C17orf78: variants seen among roughly 807,000 people sequenced by gnomAD.
C17orf78 encodes chromosome 17 open reading frame 78.
Under a neutral mutation model 31.8 loss-of-function variants are expected in C17orf78, and 27 were observed. The ratio of observed to expected loss-of-function variants is 0.85; its 90% confidence interval spans 0.63 to 1.17. The LOEUF (loss-of-function observed/expected upper bound fraction) is 1.17, where lower values mean the gene tolerates loss of function less well. C17orf78 is among the 50% of genes most tolerant of loss of function. The probability of loss-of-function intolerance (pLI) is 0.00; values close to 1 mark genes in which losing one functional copy is unlikely to be tolerated. For missense variants in C17orf78, 258 were observed against 315.2 expected (o/e 0.82, Z 1.37); for synonymous variants, 106 against 115.1 (o/e 0.92, Z 0.51).
chr17:37,391,050 C>T (rs1051223412), intron 6 of C17orf78, among the ~76,000 whole-genome samples: 2 of 151,886 alleles, frequency 1.3e-5, no homozygotes, highest in African/African-American at 2.4e-5. Flanking sequence ...ACCAGCCTGA[C>T]CAACAAGGTG....
chr17:37,388,337 A>G (rs564083587), intron 4 of C17orf78, among the ~76,000 whole-genome samples: 1 of 152,306 alleles, frequency 6.6e-6, no homozygotes, highest in African/African-American at 2.4e-5. Flanking sequence ...AGCTGACAGT[A>G]AAAGAAGTTT....
At chr17:37,383,988 G>A (rs774715232) in intron 3 of C17orf78, among the ~76,000 whole-genome samples, 20 of 152,056 alleles carry the variant, frequency 1.3e-4, no homozygotes, top group Admixed American at 5.9e-4. Flanking sequence ...AATTAGAGCC[G>A]GGCGCGGTGT....
chr17:37,390,334 A>ATATCTAT (rs2050822111), intron 6 of C17orf78, among the ~76,000 whole-genome samples: 1 of 93,424 alleles, frequency 1.1e-5, no homozygotes, highest in Non-Finnish European at 1.9e-5. Context: ...ATATATATAT[A>ATATCTAT]AAAGGCCAGC....
At chr17:37,376,794 A>G (rs1410240614) in intron 1 of C17orf78, among the ~76,000 whole-genome samples, 1 of 152,032 alleles carries the variant, frequency 6.6e-6, no homozygotes. Flanking sequence ...ATCTCTACTA[A>G]AAGTGCAAAA....
chr17:37,381,936 C>T (rs1442824977), intron 3 of C17orf78, among the ~76,000 whole-genome samples: 1 of 152,038 alleles, frequency 6.6e-6, no homozygotes, highest in African/African-American at 2.4e-5. Context: ...CATGTCTCTT[C>T]TATATTCTAC....
At chr17:37,385,767 T>G (rs969122270) in intron 3 of C17orf78, among the ~76,000 whole-genome samples, 1 of 152,190 alleles carries the variant, frequency 6.6e-6, no homozygotes, top group African/African-American at 2.4e-5. Flanking sequence ...GCATGACTCC[T>G]TCACTTTGAT....
intron 3 of C17orf78, among the ~76,000 whole-genome samples, chr17:37,383,104 A>C (rs915799903): frequency 6.6e-6 from 1 of 152,210 alleles, no homozygotes; most frequent in Non-Finnish European, 1.5e-5. Flanking sequence ...AAATTAATTA[A>C]ATCCAATTGT....
At position 37,390,330 on chromosome 17, in the gene C17orf78, A is replaced by ATATATATATATATATCTATC. The variant is rs1386032855; in HGVS notation, c.750+972_750+973insTATATATATATCTATCTATA. ...TATATATATATATATATATATATAT[A>ATATATATATATATATCTATC]TATAAAAGGCCAGCTGGGCCGGGCA... On this transcript the variant is annotated intron_variant, in intron 6 of 6. Coordinates refer to ENST00000615133, the MANE Select transcript of C17orf78 (RefSeq NM_173625.5). 9.6e-5 allele frequency among the ~76,000 whole-genome samples: 4 copies of ATATATATATATATATCTATC among 41,582 alleles called. 1 individual carries two copies. The highest frequency in any genetic ancestry group is 5.1e-4 in the African/African-American group (4 of 7,842). The allele number at this position is 41,582 out of a possible 152,430, so 27.3% of individuals were successfully genotyped here.
chr17:37,386,255 T>C (rs2050523854), intron 4 of C17orf78, 130 bp downstream of exon 4: 3 of 613,918 alleles, frequency 4.9e-6, no homozygotes, highest in East Asian at 5.9e-5. Flanking sequence ...GAGAAGTTAC[T>C]GAATGTACAT....
chr17:37,391,831 A>C lies in C17orf78; in HGVS notation c.*107A>C. Reference sequence around the variant, plus strand: ...CACTTGTATCTTCAGCAGGGACATTACAATCAAACACCAATTCCTGGTTAA... The same window carrying C: ...CACTTGTATCTTCAGCAGGGACATTCCAATCAAACACCAATTCCTGGTTAA... On this transcript the variant is annotated 3_prime_UTR_variant, in exon 7 of 7. Transcript: ENST00000615133. 7 of 984,040 alleles carry C rather than the reference A, an allele frequency of 7.1e-6. No individual in the cohort carries two copies. The East Asian group carries it at 1.7e-4, about 24-fold the overall frequency. The allele number at this position is 984,040 out of a possible 1,614,324, so 61.0% of individuals were successfully genotyped here.
chr17:37,388,320 C>T lies in C17orf78; in HGVS notation c.509-350C>T, dbSNP rs1241296023. On this transcript the variant is annotated intron_variant, in intron 4 of 6. Coordinates refer to ENST00000615133, the MANE Select transcript of C17orf78 (RefSeq NM_173625.5). ...GTGTCAGAGCAAAATGGTAGGAACCCTGATAAAGCTGACAGTAAAAGAAGT... is the reference window on the plus strand; with the variant it reads ...GTGTCAGAGCAAAATGGTAGGAACCTTGATAAAGCTGACAGTAAAAGAAGT... Among the ~76,000 whole-genome samples, 3 of 152,258 alleles carry T rather than the reference C, an allele frequency of 2.0e-5. No homozygotes were observed. In the East Asian group the frequency reaches 5.8e-4, roughly 29 times the overall value.
intron 3 of C17orf78, 91 bp downstream of exon 3, chr17:37,379,473 G>C: frequency 7.0e-7 from 1 of 1,436,888 alleles, no homozygotes; most frequent in Non-Finnish European, 9.3e-7. Context: ...AAAGCTACAA[G>C]AAAATGAATT....
chr17:37,390,330 A>ATATATATATATATATCTATATATATATC, intron 6 of C17orf78, among the ~76,000 whole-genome samples: 1 of 41,582 alleles, frequency 2.4e-5, no homozygotes, highest in African/African-American at 1.3e-4. Context: ...ATATATATAT[A>ATATATATATATATATCTATATATATATC]TATAAAAGGC....
chr17:37,389,052 C>T, intron 5 of C17orf78, among the ~76,000 whole-genome samples, 194 bp from the exon 6 acceptor site: 1 of 152,192 alleles, frequency 6.6e-6, no homozygotes, highest in East Asian at 1.9e-4. Context: ...AGGCACCTGG[C>T]ACACAGGTGC....
Position 37,391,641 on chromosome 17 carries a change from C to G in C17orf78, c.751-6C>G. 1 of 1,612,970 alleles carries G rather than the reference C, an allele frequency of 6.2e-7. No individual in the cohort carries two copies. The highest frequency in any genetic ancestry group is 8.5e-7 in the Non-Finnish European group (1 of 1,179,048). On this transcript the variant is annotated splice_polypyrimidine_tract_variant and splice_region_variant and intron_variant, in intron 6 of 6. Transcript: ENST00000615133. ...TTTAACTTTCATATTTCCTTTCAAT[C>G]TCTAGGTTGGACAAGATGCTGCCAA... is the stretch of plus-strand genomic sequence containing the variant.
At chr17:37,384,008 G>A (rs1465382573) in intron 3 of C17orf78, among the ~76,000 whole-genome samples, 1 of 152,200 alleles carries the variant, frequency 6.6e-6, no homozygotes, top group East Asian at 1.9e-4. Context: ...TCTCATGCCT[G>A]TAATCCCAGC....
chr17:37,378,798 A>G (rs2050116567), intron 2 of C17orf78, among the ~76,000 whole-genome samples: 1 of 152,272 alleles, frequency 6.6e-6, no homozygotes, highest in South Asian at 2.1e-4. Flanking sequence ...GCGGTGGCTC[A>G]TGTCTGTAAT....
chr17:37,388,560 T>G lies in C17orf78; in HGVS notation c.509-110T>G. 6.1e-6 allele frequency: 8 copies of G among 1,310,336 alleles called. No individual in the cohort carries two copies. In the South Asian group the frequency reaches 9.7e-5, roughly 16 times the overall value. 81.2% of individuals were successfully genotyped at this position (1,310,336 alleles called of 1,614,324 possible). A position where few individuals can be genotyped will look rare whatever the true frequency, so the allele number is the denominator to read the frequency against. The stretch of plus-strand genomic sequence containing the variant: ...AATTCTGCCTCTGCCTCTGGGTTAG[T>G]CTGGGCCTCTAATAGTCTTGTGAGC... On this transcript the variant is annotated intron_variant, in intron 4 of 6. Transcript: ENST00000615133.
In C17orf78 at chr17:37,379,205, G is replaced by C. The variant is rs759050920; in HGVS notation, c.214G>C (p.Gly72Arg). The change falls in exon 3 of 7, where the codon GGC (glycine) becomes CGC (arginine). Residue 72 changes from glycine to arginine, a missense_variant. Coordinates refer to ENST00000615133, the MANE Select transcript of C17orf78 (RefSeq NM_173625.5). ...NRTIATLQCL[G>R]SDSKVKVNLV... ...GACTATAGCTACCCTGCAGTGCCTT[G>C]GCTCTGACAGCAAAGTAAAAGTCAA... 6.2e-7 allele frequency: 1 copy of C among 1,613,994 alleles called. No individual in the cohort carries two copies. Among genetic ancestry groups the C allele is most frequent in the South Asian group, 1.1e-5 (1 of 91,084 alleles).
Sources: allele counts gnomAD v4.1 joint callset (sites outside exome capture counted in the v4.1 genomes callset), GRCh38; gene constraint gnomAD v4.1.1; transcripts MANE v1.5; gene names NCBI Gene and HGNC (gene_info 2026-07-23, HGNC 2026-07-21).